The following DCLK1 variants were observed in gnomAD, a reference collection of about 807,000 sequenced individuals.
DCLK1 encodes the protein serine/threonine-protein kinase DCLK1.
In DCLK1, 16 loss-of-function variants were observed where a neutral mutation model predicts 86.2. The observed-to-expected ratio is 0.19, with a 90% CI of 0.13 to 0.28. DCLK1 has a LOEUF of 0.28. Ranked by LOEUF, DCLK1 falls within the 10% of genes least tolerant of loss-of-function variation. DCLK1 has a pLI of 1.00. For synonymous variants in DCLK1, 369 were observed against 370.5 expected, an observed-to-expected ratio of 1.00 and a Z score of 0.05; for missense variants, 590 against 940.2, an observed-to-expected ratio of 0.63 and a Z score of 4.87.
intron 10 of DCLK1, among the ~76,000 whole-genome samples, chr13:35,824,556 C>T (rs2087476877): frequency 6.6e-6 from 1 of 152,110 alleles, no homozygotes; most frequent in Non-Finnish European, 1.5e-5. Flanking sequence ...CCTTCGCAGC[C>T]ATCTGGGCCT....
chr13:35,971,180 G>A (rs116035726), intron 3 of DCLK1, among the ~76,000 whole-genome samples: 2 of 152,216 alleles, frequency 1.3e-5, no homozygotes, highest in Non-Finnish European at 2.9e-5. Flanking sequence ...TGCTATGTCA[G>A]GGTAGTCTGT....
At chr13:35,822,602 G>A in intron 11 of DCLK1, 127 bp downstream of exon 11, 2 of 1,370,380 alleles carry the variant, frequency 1.5e-6, no homozygotes, top group Admixed American at 2.1e-5. Flanking sequence ...ACTAGCTCCT[G>A]AAGGCTAACT....
chr13:35,891,369 G>A (rs528441704), intron 4 of DCLK1, among the ~76,000 whole-genome samples: 85 of 152,230 alleles, frequency 5.6e-4, no homozygotes, highest in Non-Finnish European at 9.9e-4. Flanking sequence ...ACAAGTCATA[G>A]ATGTTTTATC....
rs376621117 is a variant in DCLK1 at position 35,991,439 on chromosome 13, T to C, written c.724-43982A>G. On this transcript the variant is annotated intron_variant, in intron 3 of 16. Transcript: ENST00000360631. Reference sequence around the variant, plus strand: ...CACTTTGGGAGGCTGAGGCTGAGGATCACTTGAGCCCAGGAGTTCGAGACC... The same window carrying C: ...CACTTTGGGAGGCTGAGGCTGAGGACCACTTGAGCCCAGGAGTTCGAGACC... Among the ~76,000 whole-genome samples the C allele has an allele frequency of 9.2e-5, 14 of 152,046 alleles. No homozygotes were observed. The East Asian group carries it at 1.4e-3, about 15-fold the overall frequency.
At chr13:35,781,795 C>G (rs2086530302) in intron 16 of DCLK1, among the ~76,000 whole-genome samples, 1 of 152,158 alleles carries the variant, frequency 6.6e-6, no homozygotes, top group South Asian at 2.1e-4. Context: ...CTCAGGAACC[C>G]TTTCTTTTGC....
At chr13:36,016,132 G>A (rs556005381) in intron 3 of DCLK1, among the ~76,000 whole-genome samples, 4 of 152,054 alleles carry the variant, frequency 2.6e-5, no homozygotes, top group Non-Finnish European at 5.9e-5. Flanking sequence ...TTCACATTTC[G>A]TGTTCAAATG....
At chr13:35,781,546 T>C (rs2153097794) in intron 16 of DCLK1, among the ~76,000 whole-genome samples, 1 of 152,360 alleles carries the variant, frequency 6.6e-6, no homozygotes, top group Admixed American at 6.5e-5. Flanking sequence ...GTACTCACTT[T>C]CATTGTGAGG....
intron 2 of DCLK1, among the ~76,000 whole-genome samples, chr13:36,119,403 C>T (rs918923537): frequency 6.6e-6 from 1 of 152,120 alleles, no homozygotes; most frequent in Admixed American, 6.6e-5. Context: ...AGGCAAGATC[C>T]ACCAATAAAT....
chr13:36,070,769 G>GT (rs1334813985), intron 3 of DCLK1, among the ~76,000 whole-genome samples: 1 of 152,070 alleles, frequency 6.6e-6, no homozygotes, highest in Non-Finnish European at 1.5e-5. Context: ...AGCCTCCTGA[G>GT]TAGCTGGGAT....
intron 4 of DCLK1, among the ~76,000 whole-genome samples, chr13:35,915,421 C>G (rs1190193548): frequency 1.3e-5 from 2 of 152,174 alleles, no homozygotes; most frequent in Non-Finnish European, 2.9e-5. Context: ...GAGTTTTAGG[C>G]TGGGTGTGGT....
rs115137197 is a variant in DCLK1 at position 35,974,318 on chromosome 13, T to A, written c.724-26861A>T. ...CAGTGGGGTGGGATGTAATCTGATCTTGCTACTGTCCTTACACAAAGAGGG... is the reference window on the plus strand; with the variant it reads ...CAGTGGGGTGGGATGTAATCTGATCATGCTACTGTCCTTACACAAAGAGGG... On this transcript the variant is annotated intron_variant, in intron 3 of 16. Transcript: ENST00000360631. Among the ~76,000 whole-genome samples, 907 of 152,252 alleles carry A rather than the reference T, an allele frequency of 6.0e-3. 15 individuals carry two copies. Among genetic ancestry groups the A allele is most frequent in the African/African-American group, 0.021 (867 of 41,554 alleles).
At chr13:35,940,176 A>T (rs1389160456) in intron 4 of DCLK1, among the ~76,000 whole-genome samples, 1 of 149,814 alleles carries the variant, frequency 6.7e-6, no homozygotes, top group East Asian at 2.0e-4. Flanking sequence ...AGCCGAGATC[A>T]CGCCACTGCA....
chr13:35,980,826 T>C (rs1010399546), intron 3 of DCLK1, among the ~76,000 whole-genome samples: 2 of 152,064 alleles, frequency 1.3e-5, no homozygotes, highest in African/African-American at 2.4e-5. Context: ...TTTTTTTTAA[T>C]GTAATTTTTT....
chr13:35,982,527 C>T (rs1199173309), intron 3 of DCLK1, among the ~76,000 whole-genome samples: 1 of 145,084 alleles, frequency 6.9e-6, no homozygotes, highest in Non-Finnish European at 1.5e-5. Context: ...GTCAGGATAC[C>T]TAAAGTTCCA....
At chr13:36,015,596 C>T (rs1241697997) in intron 3 of DCLK1, among the ~76,000 whole-genome samples, 1 of 152,166 alleles carries the variant, frequency 6.6e-6, no homozygotes, top group Non-Finnish European at 1.5e-5. Context: ...AACAATGAGC[C>T]TGTCACAACC....
intron 4 of DCLK1, among the ~76,000 whole-genome samples, chr13:35,901,228 T>G (rs1438727979): frequency 6.6e-6 from 1 of 152,108 alleles, no homozygotes; most frequent in South Asian, 2.1e-4. Flanking sequence ...GGCTTACGCC[T>G]GTAATCCCAG....
At chr13:35,853,429 C>T (rs1870801572) in intron 6 of DCLK1, among the ~76,000 whole-genome samples, 1 of 152,134 alleles carries the variant, frequency 6.6e-6, no homozygotes, top group African/African-American at 2.4e-5. Context: ...AGAAAGATAA[C>T]CAAACTTGAT....
At chr13:35,848,359 C>T in intron 6 of DCLK1, 2 of 984,966 alleles carry the variant, frequency 2.0e-6, no homozygotes, top group Non-Finnish European at 2.4e-6. Context: ...TTATGTTTTG[C>T]ATAAAAAGAG....
chr13:35,807,527 C>T (rs2087052236), intron 14 of DCLK1, among the ~76,000 whole-genome samples: 1 of 152,208 alleles, frequency 6.6e-6, no homozygotes, highest in Admixed American at 6.5e-5. Context: ...CATTCATATA[C>T]TTGTTCATTT....
Sources: gnomAD v4.1 joint callset for allele counts (sites outside exome capture counted in the v4.1 genomes callset) on GRCh38, gnomAD v4.1.1 for gene constraint, MANE v1.5 for transcripts, NCBI Gene and HGNC (gene_info 2026-07-23, HGNC 2026-07-21) for gene names.